The following SLC44A5 variants were observed in gnomAD, a reference collection of about 807,000 sequenced individuals.
SLC44A5 encodes the protein solute carrier family 44 member 5, also known as choline transporter-like protein 5.
In SLC44A5, 57 loss-of-function variants were observed where a neutral mutation model predicts 101.8. The ratio of observed to expected loss-of-function variants is 0.56; its 90% CI spans 0.45 to 0.70. SLC44A5 has a LOEUF of 0.70. SLC44A5 is among the 30% of genes least tolerant of loss of function. The pLI is 0.00. For synonymous variants in SLC44A5, 281 were observed against 290.9 expected, an observed-to-expected ratio of 0.97 and a Z score of 0.35; for missense variants, 737 against 853.1, an observed-to-expected ratio of 0.86 and a Z score of 1.70.
intron 1 of SLC44A5, among the ~76,000 whole-genome samples, chr1:75,575,928 A>T (rs1233122859): frequency 1.3e-5 from 2 of 152,208 alleles, no homozygotes; most frequent in Non-Finnish European, 1.5e-5. Flanking sequence ...AGGAATGGCA[A>T]GAACTTTTTG....
At chr1:75,329,410 G>T (rs1656852747) in intron 4 of SLC44A5, among the ~76,000 whole-genome samples, 1 of 150,902 alleles carries the variant, frequency 6.6e-6, no homozygotes, top group Non-Finnish European at 1.5e-5. Context: ...CTCCTCCAGG[G>T]TCTAACTCAA....
the SLC44A5 span, among the ~76,000 whole-genome samples, chr1:75,690,016 C>T: frequency 6.6e-6 from 1 of 152,236 alleles, no homozygotes; most frequent in African/African-American, 2.4e-5. Context: ...CCAGGCAGGG[C>T]CAACACCCCT....
the SLC44A5 span, among the ~76,000 whole-genome samples, chr1:75,656,509 A>G: frequency 6.6e-4 from 100 of 152,214 alleles, no homozygotes; most frequent in Non-Finnish European, 1.2e-3. Flanking sequence ...AAAGTCAAAA[A>G]GTAGAGGAAT....
At chr1:75,657,602 T>G in the SLC44A5 span, among the ~76,000 whole-genome samples, 2 of 151,214 alleles carry the variant, frequency 1.3e-5, no homozygotes, top group Admixed American at 1.3e-4. Context: ...AAAGGGAAAT[T>G]TTTAAAAAGC....
intron 1 of SLC44A5, among the ~76,000 whole-genome samples, chr1:75,593,922 A>G (rs425994): frequency 0.34 from 52,256 of 151,846 alleles, 9,391 homozygotes; most frequent in Non-Finnish European, 0.4. Context: ...GGTACAAAAA[A>G]TAGAATTAAT....
chr1:75,665,908 C>G, the SLC44A5 span, among the ~76,000 whole-genome samples: 18 of 151,998 alleles, frequency 1.2e-4, no homozygotes, highest in African/African-American at 3.9e-4. Context: ...CACATCAAAA[C>G]CACAATGAGA....
At chr1:75,446,434 GTC>G (rs1360034502) in intron 2 of SLC44A5, among the ~76,000 whole-genome samples, 1 of 151,980 alleles carries the variant, frequency 6.6e-6, no homozygotes, top group Non-Finnish European at 1.5e-5. Flanking sequence ...ACTCTTTTGA[GTC>G]TCTGCCTAAA....
chr1:75,345,657 A>C (rs1045465183), intron 3 of SLC44A5, among the ~76,000 whole-genome samples: 3 of 152,124 alleles, frequency 2.0e-5, no homozygotes, highest in African/African-American at 7.2e-5. Context: ...AACCATACTT[A>C]GAGGAAAGAA....
chr1:75,480,103 C>G (rs1667739180), intron 2 of SLC44A5, among the ~76,000 whole-genome samples: 1 of 152,246 alleles, frequency 6.6e-6, no homozygotes, highest in East Asian at 1.9e-4. Context: ...TCAATATATG[C>G]AAATCAATAA....
chr1:75,680,118 T>C, the SLC44A5 span, among the ~76,000 whole-genome samples: 18 of 152,232 alleles, frequency 1.2e-4, no homozygotes, highest in East Asian at 3.9e-4. Context: ...AAAGCAAGTC[T>C]TGAGTGACCT....
intron 4 of SLC44A5, among the ~76,000 whole-genome samples, chr1:75,326,155 T>C (rs975307244): frequency 2.0e-5 from 3 of 150,678 alleles, no homozygotes; most frequent in Non-Finnish European, 4.4e-5. Context: ...TAAAATATTA[T>C]GTATTTCATA....
chr1:75,618,184 G>T, the SLC44A5 span, among the ~76,000 whole-genome samples: 1 of 152,166 alleles, frequency 6.6e-6, no homozygotes, highest in South Asian at 2.1e-4. Context: ...CTCAACAGAG[G>T]AGACTCAAAT....
intron 1 of SLC44A5, among the ~76,000 whole-genome samples, chr1:75,542,936 C>T (rs1312900985): frequency 6.6e-6 from 1 of 152,094 alleles, no homozygotes; most frequent in Non-Finnish European, 1.5e-5. Context: ...AAACTAAGAT[C>T]TATCAACCAC....
At chr1:75,619,079 A>AGGCGGG in the SLC44A5 span, among the ~76,000 whole-genome samples, 1 of 96,578 alleles carries the variant, frequency 1.0e-5, no homozygotes. Context: ...TCAAAAAAAA[A>AGGCGGG]GGGGGGGGGG....
chr1:75,717,949 C>G, the SLC44A5 span, among the ~76,000 whole-genome samples: 42 of 152,274 alleles, frequency 2.8e-4, no homozygotes, highest in African/African-American at 9.9e-4. Context: ...TACAAAGTTC[C>G]TTGGCTCAAT....
intron 15 of SLC44A5, 52 bp from the exon 16 acceptor site, chr1:75,219,396 T>C (rs1647030574): frequency 3.2e-6 from 4 of 1,248,134 alleles, no homozygotes; most frequent in Non-Finnish European, 4.7e-6. Context: ...TGAAAATAAA[T>C]GGACAAGAAA....
At chr1:75,386,091 C>T (rs901092582) in intron 3 of SLC44A5, among the ~76,000 whole-genome samples, 3 of 151,632 alleles carry the variant, frequency 2.0e-5, no homozygotes, top group African/African-American at 4.8e-5. Context: ...GACAAACCCA[C>T]AGCCAATATC....
chr1:75,283,147 T>A (rs1652751453), intron 5 of SLC44A5, among the ~76,000 whole-genome samples: 1 of 142,354 alleles, frequency 7.0e-6, no homozygotes, highest in African/African-American at 2.7e-5. Flanking sequence ...TCCCTTTTCA[T>A]CACATCTACA....
intron 2 of SLC44A5, among the ~76,000 whole-genome samples, chr1:75,439,549 C>G (rs924775018): frequency 5.2e-5 from 7 of 134,804 alleles, no homozygotes; most frequent in Non-Finnish European, 9.8e-5. Flanking sequence ...GAGACCCTGT[C>G]TCTAAGGGGA....
Sources: gnomAD v4.1 joint callset for allele counts (sites outside exome capture counted in the v4.1 genomes callset) on GRCh38, gnomAD v4.1.1 for gene constraint, MANE v1.5 for transcripts, NCBI Gene and HGNC (gene_info 2026-07-23, HGNC 2026-07-21) for gene names.